The following MIIP variants were observed in gnomAD, a reference collection of about 807,000 sequenced individuals.
MIIP encodes migration and invasion-inhibitory protein.
Under a neutral mutation model 44.8 loss-of-function variants are expected in MIIP, and 44 were observed. That is an observed-to-expected ratio of 0.98 (90% CI 0.77 to 1.26). The LOEUF (loss-of-function observed/expected upper bound fraction) is 1.26. Ranked by LOEUF, MIIP falls within the 50% of genes most tolerant of loss-of-function variation. The pLI, the probability that MIIP is intolerant of heterozygous loss-of-function variation, is 0.00. For missense variants in MIIP, 496 were observed against 511.7 expected, an observed-to-expected ratio of 0.97 and a Z score of 0.30; for synonymous variants, 225 against 218.3, an observed-to-expected ratio of 1.03 and a Z score of -0.27.
intron 4 of MIIP, among the ~76,000 whole-genome samples, chr1:12,027,331 G>A (rs1361619051): frequency 6.6e-6 from 1 of 152,110 alleles, no homozygotes; most frequent in Non-Finnish European, 1.5e-5. Context: ...TTCTTAAATC[G>A]GGCTTCAGCT....
Position 12,029,230 on chromosome 1 carries a change from T to C in MIIP, c.664T>C (p.Leu222=). 1 of 1,613,682 alleles carries C rather than the reference T, an allele frequency of 6.2e-7. No homozygotes were observed. The highest frequency in any genetic ancestry group is 8.5e-7 in the Non-Finnish European group (1 of 1,179,872). ...ECICSHPEPQ[L]PGLRESSGSG... ...TCCCCCTCGCCCTCTCAGACCCCAG[T>C]TGCCAGGCCTGCGTGAGAGCAGTGG... Residue 222 remains leucine, a synonymous_variant, in exon 6 of 10, where the codon TTG becomes CTG. Transcript: ENST00000235332.
intron 4 of MIIP, chr1:12,028,700 C>A: frequency 4.6e-6 from 1 of 217,110 alleles, no homozygotes; most frequent in Non-Finnish European, 9.2e-6. Flanking sequence ...GTGGCTAGTT[C>A]ATCTCTTGCC....
At chr1:12,023,528 C>T (rs1032437695) in intron 4 of MIIP, among the ~76,000 whole-genome samples, 6 of 151,616 alleles carry the variant, frequency 4.0e-5, no homozygotes, top group East Asian at 1.9e-4. Context: ...CTCAGCCTCC[C>T]GAGTAGCTGG....
chr1:12,025,028 C>CTTT lies in MIIP; in HGVS notation c.547+2120_547+2122dup, dbSNP rs147513513. Among the ~76,000 whole-genome samples the CTTT allele has an allele frequency of 5.4e-4, 67 of 123,772 alleles. 2 individuals are homozygous for CTTT. The highest frequency in any genetic ancestry group is 6.3e-4 in the Non-Finnish European group (38 of 60,100). 81.2% of individuals were successfully genotyped at this position (123,772 alleles called of 152,430 possible). A position where few individuals can be genotyped will look rare whatever the true frequency, so the allele number is the denominator to read the frequency against. On this transcript the variant is annotated intron_variant, in intron 4 of 9. Transcript: ENST00000235332. ...TGTACTGTGTGTCAGAATTCCCTTC[C>CTTT]TTTTTTTTTTTGTTTTTTGTTTTTT...
chr1:12,031,514 A>T (rs1436152730), intron 9 of MIIP, 111 bp downstream of exon 9: 1 of 1,559,092 alleles, frequency 6.4e-7, no homozygotes, highest in African/African-American at 1.4e-5. Flanking sequence ...GGTGGGGAGG[A>T]TGGAGCCTGG....
intron 9 of MIIP, 89 bp downstream of exon 9, chr1:12,031,492 G>A (rs1367603528): frequency 6.4e-7 from 1 of 1,564,964 alleles, no homozygotes; most frequent in Non-Finnish European, 8.7e-7. Flanking sequence ...GCCTCCTGGG[G>A]GGTAGGATTG....
intron 8 of MIIP, among the ~76,000 whole-genome samples, chr1:12,030,563 T>TA (rs1405025505): frequency 1.4e-5 from 2 of 142,216 alleles, no homozygotes; most frequent in African/African-American, 2.6e-5. Context: ...CTGCTTTTTT[T>TA]TTTTTTTTTT....
intron 8 of MIIP, chr1:12,031,051 C>T (rs1031624543): frequency 1.7e-6 from 1 of 596,486 alleles, no homozygotes; most frequent in Admixed American, 3.0e-5. Flanking sequence ...ACCGTCCTAT[C>T]CTCCTCCCAT....
chr1:12,029,960 T>C, intron 7 of MIIP, 66 bp downstream of exon 7: 13 of 1,608,938 alleles, frequency 8.1e-6, no homozygotes, highest in Non-Finnish European at 9.3e-6. Flanking sequence ...TAAGAAAAGA[T>C]GGGCCTGGGC....
At chr1:12,024,204 C>T (rs1228000202) in intron 4 of MIIP, 1 of 152,156 alleles carries the variant, frequency 6.6e-6, no homozygotes, top group Non-Finnish European at 1.5e-5. Context: ...ATGAATGAGT[C>T]CCAGCTGCCG....
At chr1:12,020,898 C>T (rs918940479) in intron 1 of MIIP, among the ~76,000 whole-genome samples, 1 of 151,954 alleles carries the variant, frequency 6.6e-6, no homozygotes, top group African/African-American at 2.4e-5. Context: ...GTTGGCTAGG[C>T]TCATCTCAAA....
intron 4 of MIIP, among the ~76,000 whole-genome samples, chr1:12,028,065 G>C (rs1304486936): frequency 6.6e-6 from 1 of 152,160 alleles, no homozygotes; most frequent in Admixed American, 6.5e-5. Context: ...AAATTAGCTG[G>C]GTGTGGTGGC....
chr1:12,031,878 GAGAT>G lies in MIIP; in HGVS notation c.*71_*74del. On this transcript the variant is annotated 3_prime_UTR_variant, in exon 10 of 10. Transcript: ENST00000235332. ...TCTCCCCTCTGGCAGGCGCACCCAG[GAGAT>G]GGAATCCCCTGCCCGCCCAGCTCAG... is the stretch of plus-strand genomic sequence containing the variant. The G allele has an allele frequency of 6.7e-7, 1 of 1,481,742 alleles. No homozygotes were observed. Among genetic ancestry groups the G allele is most frequent in the Non-Finnish European group, 9.3e-7 (1 of 1,071,374 alleles). 91.8% of individuals were successfully genotyped at this position (1,481,742 alleles called of 1,614,324 possible).
rs530538471 is a variant in MIIP, at chr1:12,023,339, C to T, written c.547+422C>T. On this transcript the variant is annotated intron_variant, in intron 4 of 9. Transcript: ENST00000235332. ...TTGGTCTCCCAAAGTGCTAGGATTA[C>T]GGGAGTGAGCCACCGCCCCCCACAG... Among the ~76,000 whole-genome samples the T allele has an allele frequency of 4.6e-5, 7 of 151,826 alleles. No homozygotes were observed. In the East Asian group the frequency reaches 5.8e-4, roughly 13 times the overall value.
chr1:12,027,209 C>T (rs1178530069), intron 4 of MIIP, among the ~76,000 whole-genome samples: 1 of 152,106 alleles, frequency 6.6e-6, no homozygotes, highest in African/African-American at 2.4e-5. Context: ...AGGGTTTCGC[C>T]ATCTTGGCCA....
chr1:12,031,732 T>A lies in MIIP; in HGVS notation c.1091T>A (p.Met364Lys), dbSNP rs935086086. The stretch of plus-strand genomic sequence containing the variant: ...CTATTCCCCATCCAGGCCTCACCAA[T>A]GCAGATGCTGCCCCCGACCCCGACC... ...TSSPFHPASP[M>K]QMLPPTPTWS... The change falls in exon 10 of 10, where the codon ATG becomes AAG. Residue 364 changes from methionine (M) to lysine (K), a missense_variant. Physicochemically the swap from Met to Lys is moderately conservative, Grantham distance 95. Transcript: ENST00000235332. The A allele has an allele frequency of 8.7e-6, 14 of 1,613,946 alleles. No homozygotes were observed. Among genetic ancestry groups the A allele is most frequent in the South Asian group, 4.4e-5 (4 of 91,086 alleles).
In MIIP at chr1:12,021,398, A is replaced by AC. The variant is rs565166789; in HGVS notation, c.-82-247_-82-246insC. On this transcript the variant is annotated intron_variant, in intron 1 of 9. Coordinates refer to ENST00000235332, the MANE Select transcript of MIIP (RefSeq NM_021933.4). ...GACAGAGCAAGACTCCATCTCAAAA[A>AC]AAAAAAACAAAAAAACAAAACAAAA... is the stretch of plus-strand genomic sequence containing the variant. 6.5e-4 allele frequency among the ~76,000 whole-genome samples: 99 copies of AC among 152,160 alleles called. 1 individual carries two copies. The highest frequency in any genetic ancestry group is 2.4e-3 in the African/African-American group (99 of 41,520).
At chr1:12,026,328 T>C (rs1486083657) in intron 4 of MIIP, among the ~76,000 whole-genome samples, 1 of 152,108 alleles carries the variant, frequency 6.6e-6, no homozygotes, top group Non-Finnish European at 1.5e-5. Context: ...AGGTGTACTG[T>C]GGAGTTGCTG....
intron 6 of MIIP, 29 bp downstream of exon 6, chr1:12,029,310 G>A: frequency 6.2e-7 from 1 of 1,606,126 alleles, no homozygotes; most frequent in Non-Finnish European, 8.5e-7. Flanking sequence ...CTAGGCCGCT[G>A]AGTAGTCCAG....
Sources: gnomAD v4.1 joint callset for allele counts (sites outside exome capture counted in the v4.1 genomes callset) on GRCh38, gnomAD v4.1.1 for gene constraint, MANE v1.5 for transcripts, NCBI Gene and HGNC (gene_info 2026-07-23, HGNC 2026-07-21) for gene names.